Variants in SMARCC1 observed in about 807,000 individuals in gnomAD.
SMARCC1 encodes the protein SWI/SNF related BAF chromatin remodeling complex subunit C1, also known as SWI/SNF complex subunit SMARCC1.
A neutral mutation model predicts 147.4 loss-of-function variants in SMARCC1; 43 were observed. The observed-to-expected ratio is 0.29, with a 90% confidence interval of 0.23 to 0.38. The LOEUF is 0.38. Among genes scored for constraint, SMARCC1 ranks in the 10% least tolerant of loss-of-function variants. SMARCC1 has a pLI of 1.00. For synonymous variants in SMARCC1, 495 were observed against 484.4 expected (o/e 1.02, Z -0.29); for missense variants, 1,119 against 1,381.1 (o/e 0.81, Z 3.01).
intron 8 of SMARCC1, among the ~76,000 whole-genome samples, chr3:47,711,764 A>C (rs2034086868): frequency 6.6e-6 from 1 of 152,186 alleles, no homozygotes; most frequent in Non-Finnish European, 1.5e-5. Context: ...TACCCATCTG[A>C]CTACACGCCT....
intron 10 of SMARCC1, among the ~76,000 whole-genome samples, chr3:47,704,000 G>C (rs1304023175): frequency 1.3e-5 from 2 of 151,892 alleles, no homozygotes; most frequent in African/African-American, 4.8e-5. Flanking sequence ...GCGTTTCACC[G>C]TGTTAGCCAG....
intron 21 of SMARCC1, among the ~76,000 whole-genome samples, chr3:47,642,204 T>C (rs1283059826): frequency 6.6e-6 from 1 of 152,084 alleles, no homozygotes; most frequent in Non-Finnish European, 1.5e-5. Flanking sequence ...GTACATAAGA[T>C]CTATAAAGAA....
intron 21 of SMARCC1, among the ~76,000 whole-genome samples, chr3:47,651,783 C>G (rs972882384): frequency 6.6e-6 from 1 of 152,208 alleles, no homozygotes; most frequent in Non-Finnish European, 1.5e-5. Flanking sequence ...TGCTGTCCAT[C>G]TTACACTCTA....
intron 21 of SMARCC1, among the ~76,000 whole-genome samples, chr3:47,645,349 G>A (rs1299279227): frequency 6.7e-6 from 1 of 149,758 alleles, no homozygotes; most frequent in Non-Finnish European, 1.5e-5. Flanking sequence ...GTGAGTATGA[G>A]CAGACATTAG....
intron 5 of SMARCC1, among the ~76,000 whole-genome samples, chr3:47,731,381 C>T (rs2034372723): frequency 6.6e-6 from 1 of 152,142 alleles, no homozygotes; most frequent in Non-Finnish European, 1.5e-5. Context: ...TCTTTAACCC[C>T]TCAAAGTCAA....
intron 14 of SMARCC1, among the ~76,000 whole-genome samples, chr3:47,685,521 C>T (rs1407564511): frequency 6.8e-6 from 1 of 148,052 alleles, no homozygotes; most frequent in Non-Finnish European, 1.5e-5. Flanking sequence ...TAAATTACAA[C>T]AAAATCTAGT....
intron 6 of SMARCC1, among the ~76,000 whole-genome samples, chr3:47,725,250 C>A (rs558617809): frequency 6.6e-6 from 1 of 151,716 alleles, no homozygotes; most frequent in South Asian, 2.1e-4. Flanking sequence ...TTCATTTCTA[C>A]GAAATGACCT....
chr3:47,679,163 C>T (rs1184101003), intron 15 of SMARCC1, among the ~76,000 whole-genome samples: 6 of 148,034 alleles, frequency 4.1e-5, no homozygotes, highest in Non-Finnish European at 7.4e-5. Flanking sequence ...TGCAGGCAGC[C>T]AAGATCACAC....
At chr3:47,687,568 TAAA>T (rs2033740976) in intron 13 of SMARCC1, among the ~76,000 whole-genome samples, 1 of 152,302 alleles carries the variant, frequency 6.6e-6, no homozygotes, top group South Asian at 2.1e-4. Context: ...TCTTTGGCAT[TAAA>T]ACGAAGGAAT....
intron 14 of SMARCC1, among the ~76,000 whole-genome samples, chr3:47,680,749 GTTTTAGCTGGGA>G (rs1418833457): frequency 4.0e-5 from 6 of 151,596 alleles, no homozygotes; most frequent in Admixed American, 1.3e-4. Flanking sequence ...GGGTTTCACT[GTTTTAGCTGGGA>G]TGGTCTCGAT....
intron 8 of SMARCC1, among the ~76,000 whole-genome samples, chr3:47,713,118 C>T (rs745787074): frequency 1.3e-5 from 2 of 151,864 alleles, no homozygotes; most frequent in Non-Finnish European, 2.9e-5. Flanking sequence ...GTCAGGAGAT[C>T]GAGACCATCC....
At chr3:47,725,540 T>C (rs1225699104) in intron 6 of SMARCC1, among the ~76,000 whole-genome samples, 1 of 152,080 alleles carries the variant, frequency 6.6e-6, no homozygotes, top group Non-Finnish European at 1.5e-5. Flanking sequence ...AACCTCCGCC[T>C]CCTGGGTTTG....
At chr3:47,626,458 TAAA>T (rs67479695) in intron 24 of SMARCC1, among the ~76,000 whole-genome samples, 15 of 117,774 alleles carry the variant, frequency 1.3e-4, no homozygotes, top group East Asian at 2.3e-4. Context: ...ACCCTGTCTT[TAAA>T]AAAAAAAAAA....
rs138804725 is a variant in SMARCC1, at chr3:47,688,988, T to C, written c.1263+399A>G. ...ACTTTGGGAGGCTGAGGCAGACAGA[T>C]TGCTTGAGCCCAGGAGTTCGCAACC... is the stretch of plus-strand genomic sequence containing the variant. On this transcript the variant is annotated intron_variant, in intron 13 of 27. Transcript: ENST00000254480. 5.5e-4 allele frequency among the ~76,000 whole-genome samples: 84 copies of C among 152,074 alleles called. No homozygotes were observed. In the East Asian group the frequency reaches 6.6e-3, roughly 12 times the overall value.
At chr3:47,606,193 G>C (rs1461426851) in intron 26 of SMARCC1, among the ~76,000 whole-genome samples, 2 of 152,108 alleles carry the variant, frequency 1.3e-5, no homozygotes, top group African/African-American at 4.8e-5. Context: ...AAAGTAAAAA[G>C]ATTAAAATGA....
chr3:47,748,371 G>C (rs956036091), intron 2 of SMARCC1, among the ~76,000 whole-genome samples: 1 of 151,874 alleles, frequency 6.6e-6, no homozygotes, highest in Non-Finnish European at 1.5e-5. Context: ...GTGCCAATAC[G>C]CCTGGCTAAT....
At chr3:47,733,756 C>T (rs1300589433) in intron 5 of SMARCC1, among the ~76,000 whole-genome samples, 4 of 149,710 alleles carry the variant, frequency 2.7e-5, no homozygotes, top group East Asian at 2.0e-4. Flanking sequence ...CCCAGCTACT[C>T]GGGAGGCTGA....
At chr3:47,734,894 A>G (rs138588084) in intron 5 of SMARCC1, among the ~76,000 whole-genome samples, 2 of 152,258 alleles carry the variant, frequency 1.3e-5, no homozygotes, top group African/African-American at 2.4e-5. Context: ...AGTAGCTGGG[A>G]CTACAGTGGC....
At chr3:47,603,973 G>T in intron 26 of SMARCC1, 1 of 455,588 alleles carries the variant, frequency 2.2e-6, no homozygotes, top group Non-Finnish European at 4.4e-6. Flanking sequence ...AGCCAAGGAA[G>T]AGCAATAGAG....
Sources: allele counts gnomAD v4.1 joint callset (sites outside exome capture counted in the v4.1 genomes callset), GRCh38; gene constraint gnomAD v4.1.1; transcripts MANE v1.5; gene names NCBI Gene and HGNC (gene_info 2026-07-23, HGNC 2026-07-21).